Variants in PDZD9 observed in about 807,000 individuals in gnomAD.
PDZD9 encodes the protein PDZ domain-containing protein 9.
In PDZD9, 13 loss-of-function variants were observed where a neutral mutation model predicts 16.3. The ratio of observed to expected loss-of-function variants is 0.80; its 90% CI spans 0.52 to 1.27. PDZD9 has a LOEUF of 1.27. Ranked by LOEUF, PDZD9 falls within the 50% of genes most tolerant of loss-of-function variation. The pLI is 0.00. For missense variants in PDZD9, 288 were observed against 310.9 expected (o/e 0.93, Z 0.55); for synonymous variants, 120 against 111.0 (o/e 1.08, Z -0.51).
chr16:21,983,574 A>G (rs1255528470), downstream of PDZD9: 3 of 232,924 alleles, frequency 1.3e-5, no homozygotes, highest in Admixed American at 5.6e-5. Flanking sequence ...TTGGGTGTCA[A>G]CAGCTAAATG....
the PDZD9 span, chr16:21,976,466 T>A: frequency 2.4e-6 from 1 of 421,924 alleles, no homozygotes; most frequent in South Asian, 3.3e-5. Flanking sequence ...CCAAGGCAGG[T>A]GGTTCATTTG....
At chr16:21,980,489 A>G (rs555518285), downstream of PDZD9, 10 of 1,532,400 alleles carry the variant, frequency 6.5e-6, no homozygotes, top group East Asian at 2.2e-4. Flanking sequence ...GCCACCACTC[A>G]GAAAAAAAAA....
At chr16:21,989,655 T>C (rs994267416) in intron 2 of PDZD9, among the ~76,000 whole-genome samples, 2 of 152,210 alleles carry the variant, frequency 1.3e-5, no homozygotes, top group Non-Finnish European at 2.9e-5. Context: ...CAATTAGGCA[T>C]GCTTTAACTG....
intron 2 of PDZD9, among the ~76,000 whole-genome samples, chr16:21,994,860 T>C (rs942483097): frequency 5.9e-5 from 9 of 151,622 alleles, no homozygotes; most frequent in Non-Finnish European, 1.3e-4. Context: ...AGGTAGGGTC[T>C]CACTCTGTTA....
At chr16:21,997,498 C>T (rs961529086) in intron 1 of PDZD9, among the ~76,000 whole-genome samples, 2 of 152,004 alleles carry the variant, frequency 1.3e-5, no homozygotes, top group Admixed American at 6.6e-5. Context: ...GAAAAGGCTC[C>T]GAAGTGAGTA....
chr16:21,965,303 C>G, the PDZD9 span: 2 of 990,642 alleles, frequency 2.0e-6, no homozygotes, highest in South Asian at 2.8e-5. Context: ...CATATGAATG[C>G]CAGAAGATGA....
At chr16:21,968,593 TA>T in the PDZD9 span, 1 of 1,527,922 alleles carries the variant, frequency 6.5e-7, no homozygotes, top group Middle Eastern at 2.0e-4. Context: ...ATATTTATGC[TA>T]ATATAACCTA....
At chr16:21,979,467 G>A (rs1163792524), downstream of PDZD9, among the ~76,000 whole-genome samples, 1 of 152,114 alleles carries the variant, frequency 6.6e-6, no homozygotes, top group East Asian at 1.9e-4. Context: ...ACACACATGG[G>A]CTCTATGGTA....
the PDZD9 span, among the ~76,000 whole-genome samples, chr16:21,970,557 G>A: frequency 6.6e-6 from 1 of 152,122 alleles, no homozygotes; most frequent in Non-Finnish European, 1.5e-5. Context: ...ATATTTTCAT[G>A]TGCTTTTTGT....
At chr16:21,987,067 G>A (rs533790302) in intron 3 of PDZD9, among the ~76,000 whole-genome samples, 10 of 152,250 alleles carry the variant, frequency 6.6e-5, no homozygotes, top group African/African-American at 2.2e-4. Flanking sequence ...TTTATCCAAA[G>A]AACAAAAAGT....
the PDZD9 span, among the ~76,000 whole-genome samples, chr16:21,968,976 G>A: frequency 2.0e-5 from 3 of 152,160 alleles, no homozygotes; most frequent in Non-Finnish European, 4.4e-5. Context: ...TTAAAAGGAA[G>A]TACAGCTTAC....
At chr16:21,994,471 G>GAAA (rs1899097490) in intron 2 of PDZD9, among the ~76,000 whole-genome samples, 2 of 152,206 alleles carry the variant, frequency 1.3e-5, no homozygotes, top group Non-Finnish European at 2.9e-5. Flanking sequence ...GAACTGCATG[G>GAAA]AAAATTCATT....
Position 21,988,918 on chromosome 16 carries a change from A to AG in PDZD9, c.212-128dup, listed in dbSNP as rs1898954296. The AG allele has an allele frequency of 1.8e-5, 12 of 659,062 alleles. No individual in the cohort carries two copies. In the East Asian group the frequency reaches 4.2e-4, roughly 23 times the overall value. The allele number at this position is 659,062 out of a possible 1,614,324, so 40.8% of individuals were successfully genotyped here. A position where few individuals can be genotyped will look rare whatever the true frequency, so the allele number is the denominator to read the frequency against. The stretch of plus-strand genomic sequence containing the variant: ...TGTTGATTCTTTTTGAACCAAAACC[A>AG]GGCTTCAGCCTTTTTTTTTTTTTTT... On this transcript the variant is annotated intron_variant, in intron 2 of 3. Transcript: ENST00000424898.
chr16:21,961,676 C>CGG, the PDZD9 span, among the ~76,000 whole-genome samples: 1 of 73,666 alleles, frequency 1.4e-5, no homozygotes, highest in Non-Finnish European at 3.9e-5. Flanking sequence ...ATATTTTAGA[C>CGG]AGTCTCGCTG....
At chr16:21,976,573 C>A in the PDZD9 span, 1 of 223,890 alleles carries the variant, frequency 4.5e-6, no homozygotes, top group Non-Finnish European at 8.9e-6. Context: ...GTTTATTGAT[C>A]ATGCATTTTT....
At chr16:21,969,308 C>T in the PDZD9 span, among the ~76,000 whole-genome samples, 13 of 151,982 alleles carry the variant, frequency 8.6e-5, no homozygotes, top group East Asian at 3.9e-4. Context: ...CTGAGGCGGG[C>T]GGATCACCTG....
At chr16:21,969,698 A>G in the PDZD9 span, among the ~76,000 whole-genome samples, 2 of 152,174 alleles carry the variant, frequency 1.3e-5, no homozygotes, top group African/African-American at 2.4e-5. Context: ...TTTACATGCT[A>G]TAAAATTCAC....
intron 2 of PDZD9, 99 bp from the exon 3 acceptor site, chr16:21,988,890 T>C (rs1315830643): frequency 3.0e-6 from 3 of 1,015,804 alleles, no homozygotes; most frequent in African/African-American, 3.4e-5. Flanking sequence ...TATGGGTTCA[T>C]ATTGTTGATT....
chr16:21,981,141 A>G (rs937690689), downstream of PDZD9, among the ~76,000 whole-genome samples: 1 of 152,330 alleles, frequency 6.6e-6, no homozygotes, highest in Admixed American at 6.5e-5. Context: ...CAGTCCTAGC[A>G]ATATTTCACC....
Sources: gnomAD v4.1 joint callset for allele counts (sites outside exome capture counted in the v4.1 genomes callset) on GRCh38, gnomAD v4.1.1 for gene constraint, MANE v1.5 for transcripts, NCBI Gene and HGNC (gene_info 2026-07-23, HGNC 2026-07-21) for gene names.